PHF24: variants seen among roughly 807,000 people sequenced by gnomAD.
PHF24 encodes the protein Galpha inhibitory interacting protein.
In PHF24, 25 loss-of-function variants were observed where a neutral mutation model predicts 42.6. That is an observed-to-expected ratio of 0.59 (90% CI 0.43 to 0.82). The LOEUF is 0.82. Among genes scored for constraint, PHF24 ranks in the 40% least tolerant of loss-of-function variants. The probability of loss-of-function intolerance (pLI) is 0.00; values close to 1 mark genes in which losing one functional copy is unlikely to be tolerated. For synonymous variants in PHF24, 185 were observed against 204.8 expected (o/e 0.90, Z 0.83); for missense variants, 470 against 538.1 (o/e 0.87, Z 1.25).
At chr9:34,784,128 G>A in the PHF24 span, among the ~76,000 whole-genome samples, 1 of 152,200 alleles carries the variant, frequency 6.6e-6, no homozygotes, top group African/African-American at 2.4e-5. Context: ...ATATCATTTT[G>A]ATATAAGATA....
At chr9:34,968,214 T>C (rs907332016) in intron 1 of PHF24, among the ~76,000 whole-genome samples, 1 of 152,254 alleles carries the variant, frequency 6.6e-6, no homozygotes, top group African/African-American at 2.4e-5. Flanking sequence ...TTGTTTAGTC[T>C]TTCGTGGTAC....
At chr9:34,970,732 C>G (rs1455538600) in intron 1 of PHF24, among the ~76,000 whole-genome samples, 1 of 152,184 alleles carries the variant, frequency 6.6e-6, no homozygotes, top group Non-Finnish European at 1.5e-5. Flanking sequence ...CTGAAGTCTC[C>G]AACCATTTCG....
At chr9:34,809,490 T>C in the PHF24 span, among the ~76,000 whole-genome samples, 1 of 152,200 alleles carries the variant, frequency 6.6e-6, no homozygotes, top group Admixed American at 6.5e-5. The surrounding 1 kb of genome is among the most constrained non-coding windows in gnomAD (Gnocchi z 4.1). Flanking sequence ...ACAGCCCAGC[T>C]TTCCTGCTGG....
At chr9:34,723,747 C>A in the PHF24 span, 762,049 of 1,551,436 alleles carry the variant, frequency 0.49, 194,011 homozygotes, top group East Asian at 0.63. Flanking sequence ...CCCTGTGAAG[C>A]CTGGGGCAAC....
chr9:34,849,612 A>T, the PHF24 span, among the ~76,000 whole-genome samples: 1 of 152,074 alleles, frequency 6.6e-6, no homozygotes, highest in Non-Finnish European at 1.5e-5. Context: ...TTTAAAGTTA[A>T]TATTGTTATG....
the PHF24 span, chr9:34,832,990 A>T: frequency 6.4e-7 from 1 of 1,551,678 alleles, no homozygotes; most frequent in Non-Finnish European, 8.7e-7. Context: ...GATCAGCAAG[A>T]TGAAAGCTAC....
At chr9:34,734,675 G>A in the PHF24 span, among the ~76,000 whole-genome samples, 1 of 152,320 alleles carries the variant, frequency 6.6e-6, no homozygotes, top group Admixed American at 6.5e-5. Flanking sequence ...CTCTACCTTT[G>A]TAGGCCCCAG....
chr9:34,701,604 TC>T, the PHF24 span, among the ~76,000 whole-genome samples: 9 of 152,164 alleles, frequency 5.9e-5, no homozygotes, highest in East Asian at 1.6e-3. The surrounding 1 kb of genome is among the most constrained non-coding windows in gnomAD (Gnocchi z 5.8). Context: ...TCTGGCGCCC[TC>T]CCGGCTCCCT....
the PHF24 span, among the ~76,000 whole-genome samples, chr9:34,802,842 T>G: frequency 9.2e-5 from 14 of 152,192 alleles, no homozygotes; most frequent in Admixed American, 9.2e-4. Flanking sequence ...CTTACTGTCC[T>G]CGGGGTGTTT....
the PHF24 span, among the ~76,000 whole-genome samples, chr9:34,674,163 T>C: frequency 1.3e-5 from 2 of 152,262 alleles, no homozygotes; most frequent in African/African-American, 2.4e-5. Flanking sequence ...GACTGTATTA[T>C]CCCTATTATA....
At chr9:34,760,285 G>A in the PHF24 span, among the ~76,000 whole-genome samples, 10 of 152,252 alleles carry the variant, frequency 6.6e-5, no homozygotes, top group Admixed American at 6.5e-4. Context: ...CAATTCATAC[G>A]TACCCATGAG....
the PHF24 span, among the ~76,000 whole-genome samples, chr9:34,775,705 G>T: frequency 1.3e-5 from 2 of 151,844 alleles, no homozygotes; most frequent in Non-Finnish European, 2.9e-5. Context: ...TTTCCCAAAG[G>T]GTTAAACATA....
intron 1 of PHF24, among the ~76,000 whole-genome samples, chr9:34,965,260 T>A (rs1306517975): frequency 6.6e-6 from 1 of 152,238 alleles, no homozygotes; most frequent in African/African-American, 2.4e-5. Flanking sequence ...TTTGATCCTC[T>A]CCATTAAGTA....
chr9:34,679,001 C>G, the PHF24 span, among the ~76,000 whole-genome samples: 1 of 152,180 alleles, frequency 6.6e-6, no homozygotes, highest in Non-Finnish European at 1.5e-5. Context: ...GTTTGAACCC[C>G]CTTCCTGCAT....
the PHF24 span, among the ~76,000 whole-genome samples, chr9:34,740,840 C>T: frequency 4.6e-5 from 7 of 151,770 alleles, no homozygotes; most frequent in African/African-American, 1.5e-4. Context: ...CATATGGTCT[C>T]GTATGTAAGT....
At chr9:34,678,139 A>C in the PHF24 span, 1 of 152,156 alleles carries the variant, frequency 6.6e-6, no homozygotes, top group East Asian at 1.9e-4. Context: ...CTCCCAGCCT[A>C]CATCTTTCTC....
the PHF24 span, among the ~76,000 whole-genome samples, chr9:34,789,192 G>A: frequency 6.6e-6 from 1 of 152,232 alleles, no homozygotes; most frequent in Admixed American, 6.5e-5. Context: ...GACAGAGGTG[G>A]GAACTTCAAA....
At chr9:34,740,506 G>A in the PHF24 span, among the ~76,000 whole-genome samples, 3 of 152,230 alleles carry the variant, frequency 2.0e-5, no homozygotes, top group Non-Finnish European at 4.4e-5. Flanking sequence ...GCCCGGGGCC[G>A]GCAGGGCCAG....
At chr9:34,774,696 C>G in the PHF24 span, among the ~76,000 whole-genome samples, 4 of 152,078 alleles carry the variant, frequency 2.6e-5, no homozygotes, top group African/African-American at 9.7e-5. Flanking sequence ...TCGCTTGAAC[C>G]TGGGAAGCAG....
Sources: gnomAD v4.1 joint callset for allele counts (sites outside exome capture counted in the v4.1 genomes callset) on GRCh38, gnomAD v4.1.1 for gene constraint, Gnocchi (gnomAD v3.1) non-coding constraint, MANE v1.5 for transcripts, NCBI Gene and HGNC (gene_info 2026-07-23, HGNC 2026-07-21) for gene names.